Variants in SLC9A1 observed in about 807,000 individuals in gnomAD.
The protein encoded by SLC9A1 is sodium/hydrogen exchanger 1.
Under a neutral mutation model 67.9 loss-of-function variants are expected in SLC9A1, and 22 were observed. The observed-to-expected ratio is 0.32, with a 90% CI of 0.23 to 0.46. The LOEUF (loss-of-function observed/expected upper bound fraction) is 0.46. SLC9A1 is among the 20% of genes least tolerant of loss of function. The probability of loss-of-function intolerance (pLI) is 1.00; values close to 1 mark genes in which losing one functional copy is unlikely to be tolerated. For missense variants in SLC9A1, 686 were observed against 1,094.8 expected, an observed-to-expected ratio of 0.63 and a Z score of 5.27; for synonymous variants, 421 against 471.8, an observed-to-expected ratio of 0.89 and a Z score of 1.40.
chr1:27,108,662 C>T (rs1197619106), intron 3 of SLC9A1, among the ~76,000 whole-genome samples: 13 of 151,852 alleles, frequency 8.6e-5, no homozygotes, highest in Non-Finnish European at 1.6e-4. Flanking sequence ...AGAGTGGGAC[C>T]CCGTCTCAAA....
In SLC9A1 at chr1:27,100,333, C is replaced by G. The variant is rs1227685943; in HGVS notation, c.2422G>C (p.Glu808Gln). Residue 808 changes from glutamate to glutamine, a missense_variant, in exon 12 of 12, where the codon GAA (glutamate) becomes CAA (glutamine). Around this residue, in one of 7 missense-constraint regions of SLC9A1, gnomAD observed 226 missense variants for 282.4 expected, o/e 0.80. Transcript: ENST00000263980. This position sits in a 1 kb window ranked among gnomAD's most constrained non-coding sequence, Gnocchi z 5.6. ...PGPHPEPGEG[E>Q]PFFPKGQ is the part of the protein sequence containing the mutation. Reference sequence around the variant, plus strand: ...TACTGCCCCTTGGGGAAGAACGGTTCTCCCTCCCCAGGCTCAGGGTGTGGG... The same window carrying G: ...TACTGCCCCTTGGGGAAGAACGGTTGTCCCTCCCCAGGCTCAGGGTGTGGG... 2 of 1,535,724 alleles carry G rather than the reference C, an allele frequency of 1.3e-6. No homozygotes were observed. The highest frequency in any genetic ancestry group is 8.8e-7 in the Non-Finnish European group (1 of 1,141,436).
chr1:27,128,392 C>T (rs1181714110), intron 1 of SLC9A1, among the ~76,000 whole-genome samples: 1 of 152,194 alleles, frequency 6.6e-6, no homozygotes, highest in Non-Finnish European at 1.5e-5. Context: ...GGAGGTGGCT[C>T]ACACCTGAAT....
At chr1:27,113,424 C>A (rs777185270) in intron 2 of SLC9A1, among the ~76,000 whole-genome samples, 1 of 152,224 alleles carries the variant, frequency 6.6e-6, no homozygotes, top group East Asian at 1.9e-4. Flanking sequence ...TACCAGTTCA[C>A]CAGCCTAGAA....
intron 1 of SLC9A1, among the ~76,000 whole-genome samples, chr1:27,142,387 G>A (rs116836557): frequency 1.7e-3 from 263 of 152,294 alleles, no homozygotes; most frequent in African/African-American, 6.1e-3. Context: ...GCTATGATAA[G>A]GATTTTTCCA....
chr1:27,140,314 C>T (rs1045449132), intron 1 of SLC9A1, among the ~76,000 whole-genome samples: 8 of 152,150 alleles, frequency 5.3e-5, no homozygotes, highest in Admixed American at 1.3e-4. Context: ...TTTATCAGCA[C>T]GAATCCATTT....
chr1:27,100,603 T>C lies in SLC9A1; in HGVS notation c.2152A>G (p.Thr718Ala), dbSNP rs1452125237. The change falls in exon 12 of 12, where the codon ACC becomes GCC. Residue 718 changes from threonine to alanine, a missense_variant. Around this residue, in one of 7 missense-constraint regions of SLC9A1, gnomAD observed 226 missense variants for 282.4 expected, o/e 0.80. Coordinates refer to ENST00000263980, the MANE Select transcript of SLC9A1 (RefSeq NM_003047.5). The surrounding 1 kb of genome is among the most constrained non-coding windows in gnomAD (Gnocchi z 5.6). ...GACTGCGGGGAAGCCGGGTCGATGG[T>C]GATGACAGGCAGGTCCTCCTTCGGC... is the stretch of plus-strand genomic sequence containing the variant. ...YEPKEDLPVI[T>A]IDPASPQSPE... 6.2e-7 allele frequency: 1 copy of C among 1,613,206 alleles called. No individual in the cohort carries two copies. The highest frequency in any genetic ancestry group is 2.2e-5 in the East Asian group (1 of 44,868).
rs183365653 is a variant in SLC9A1 at position 27,124,426 on chromosome 1, T to G, written c.353-10140A>C. 5.9e-5 allele frequency among the ~76,000 whole-genome samples: 9 copies of G among 152,348 alleles called. No individual in the cohort carries two copies. In the East Asian group the frequency reaches 1.7e-3, roughly 29 times the overall value. On this transcript the variant is annotated intron_variant, in intron 1 of 11. Coordinates refer to ENST00000263980, the MANE Select transcript of SLC9A1 (RefSeq NM_003047.5). The stretch of plus-strand genomic sequence containing the variant: ...ATGTGTTAAATTCATTATATATAAC[T>G]TCAACTTGCTTGAAATCTCATCCTA...
chr1:27,109,656 T>C lies in SLC9A1; in HGVS notation c.935A>G (p.Tyr312Cys). The change falls in exon 3 of 12, where the codon TAC (tyrosine) becomes TGC (cysteine). Residue 312 changes from tyrosine (Y) to cysteine (C), a missense_variant. Tyr to Cys is a radical substitution (Grantham distance 194, BLOSUM62 -2). This residue lies in a region of SLC9A1 where 58 missense variants were observed against 68.9 expected (regional missense o/e 0.84). Coordinates refer to ENST00000263980, the MANE Select transcript of SLC9A1 (RefSeq NM_003047.5). The surrounding 1 kb of genome is among the most constrained non-coding windows in gnomAD (Gnocchi z 5.5). Reference protein sequence around the residue: ...ALGGVLVGVVYGVIAAFTSRF... With the variant: ...ALGGVLVGVVCGVIAAFTSRF... ...GGAGGTGAAGGCTGCGATGACCCCG[T>C]AGACCACGCCCACAAGCACCCCGCC... The C allele has an allele frequency of 4.3e-6, 7 of 1,613,636 alleles. No individual in the cohort carries two copies. The highest frequency in any genetic ancestry group is 2.2e-5 in the South Asian group (2 of 91,068).
rs369974421 is a variant in SLC9A1 at position 27,102,417 on chromosome 1, C to A, written c.1788G>T (p.Lys596Asn). Residue 596 changes from lysine (K) to asparagine (N), a missense_variant, in exon 8 of 12, where the codon AAG becomes AAT. Lys to Asn is a moderately conservative substitution (Grantham distance 94, BLOSUM62 0). This residue lies in a region of SLC9A1 where 168 missense variants were observed against 375.4 expected (regional missense o/e 0.45). Coordinates refer to ENST00000263980, the MANE Select transcript of SLC9A1 (RefSeq NM_003047.5). ...AGACGGTGGAGACGGCAGAGGGGAT[C>A]TTGCCCATGCCCCCGCTCTCCACCA... Reference protein sequence around the residue: ...IELVESGGMGKIPSAVSTVSM... With the variant: ...IELVESGGMGNIPSAVSTVSM... 16 of 1,603,274 alleles carry A rather than the reference C, an allele frequency of 1.0e-5. No individual in the cohort carries two copies. The highest frequency in any genetic ancestry group is 2.7e-5 in the African/African-American group (2 of 74,892).
At position 27,154,530 on chromosome 1, in the gene SLC9A1, T is replaced by G. The variant is rs1028151968; in HGVS notation, c.-196A>C. 15 of 505,036 alleles carry G rather than the reference T, an allele frequency of 3.0e-5. No individual in the cohort carries two copies. Among genetic ancestry groups the G allele is most frequent in the South Asian group, 9.5e-5 (3 of 31,652 alleles). The allele number at this position is 505,036 out of a possible 1,614,324, so 31.3% of individuals were successfully genotyped here. On this transcript the variant is annotated 5_prime_UTR_variant, in exon 1 of 12. Transcript: ENST00000263980. ...GGGTTTGCAATCTGGAACTCCAAAG[T>G]GGGGAAAGGGGGCAAGGACCCAGGA...
chr1:27,132,861 C>A (rs552024467), intron 1 of SLC9A1, among the ~76,000 whole-genome samples: 1 of 152,262 alleles, frequency 6.6e-6, no homozygotes, highest in Non-Finnish European at 1.5e-5. Context: ...GCTGTGGCTC[C>A]AGGGAAGGGC....
At chr1:27,126,164 C>A (rs1472764910) in intron 1 of SLC9A1, among the ~76,000 whole-genome samples, 1 of 152,124 alleles carries the variant, frequency 6.6e-6, no homozygotes, top group Non-Finnish European at 1.5e-5. Flanking sequence ...AGAGGTCCTC[C>A]CAACCCTCTC....
Position 27,101,305 on chromosome 1 carries a change from A to G in SLC9A1, c.2038-30T>C. On this transcript the variant is annotated intron_variant, in intron 10 of 11. Coordinates refer to ENST00000263980, the MANE Select transcript of SLC9A1 (RefSeq NM_003047.5). This position sits in a 1 kb window ranked among gnomAD's most constrained non-coding sequence, Gnocchi z 4.9. The stretch of plus-strand genomic sequence containing the variant: ...CAGAGAGGACAGACGGGGTGAGCAC[A>G]GGCAGCTGGGCAGAGGGAGCCCCTC... 1 of 1,589,504 alleles carries G rather than the reference A, an allele frequency of 6.3e-7. No individual in the cohort carries two copies. Among genetic ancestry groups the G allele is most frequent in the Non-Finnish European group, 8.6e-7 (1 of 1,160,940 alleles).
intron 2 of SLC9A1, among the ~76,000 whole-genome samples, chr1:27,113,241 T>C (rs1230420558): frequency 6.6e-6 from 1 of 152,018 alleles, no homozygotes; most frequent in African/African-American, 2.4e-5. Context: ...GGAGGATGGT[T>C]TGAGGCCAAG....
chr1:27,101,111 C>T lies in SLC9A1; in HGVS notation c.2110+92G>A. The T allele has an allele frequency of 2.0e-6, 2 of 985,302 alleles. No homozygotes were observed. The highest frequency in any genetic ancestry group is 3.1e-6 in the Non-Finnish European group (2 of 645,506). The allele number at this position is 985,302 out of a possible 1,614,324, so 61.0% of individuals were successfully genotyped here. The stretch of plus-strand genomic sequence containing the variant: ...GGTCAGCGAGGGCCAGGCCTGTCCT[C>T]CCAGTGGCTGAGGACTGTTCCTGTG... On this transcript the variant is annotated intron_variant, in intron 11 of 11. Coordinates refer to ENST00000263980, the MANE Select transcript of SLC9A1 (RefSeq NM_003047.5). This position sits in a 1 kb window ranked among gnomAD's most constrained non-coding sequence, Gnocchi z 4.9.
chr1:27,109,682 C>A lies in SLC9A1; in HGVS notation c.909G>T (p.Leu303=). 1 of 1,613,998 alleles carries A rather than the reference C, an allele frequency of 6.2e-7. No homozygotes were observed. Among genetic ancestry groups the A allele is most frequent in the Non-Finnish European group, 8.5e-7 (1 of 1,180,008 alleles). The stretch of plus-strand genomic sequence containing the variant: ...AGACCACGCCCACAAGCACCCCGCC[C>A]AGGGCCACCACGAAGAAGCTCAGGA... ...LGFLSFFVVA[L]GGVLVGVVYG... The change falls in exon 3 of 12, where the codon CTG becomes CTT. Residue 303 remains leucine (L), a synonymous_variant. Coordinates refer to ENST00000263980, the MANE Select transcript of SLC9A1 (RefSeq NM_003047.5). This position sits in a 1 kb window ranked among gnomAD's most constrained non-coding sequence, Gnocchi z 5.5.
intron 1 of SLC9A1, among the ~76,000 whole-genome samples, chr1:27,135,527 A>G (rs1383030244): frequency 1.2e-3 from 149 of 127,246 alleles, no homozygotes; most frequent in Non-Finnish European, 1.9e-3. Flanking sequence ...TTTTTCTGGA[A>G]AAAAAAAAAA....
intron 2 of SLC9A1, among the ~76,000 whole-genome samples, chr1:27,110,744 C>G (rs1309504100): frequency 6.6e-6 from 1 of 152,240 alleles, no homozygotes; most frequent in Non-Finnish European, 1.5e-5. Context: ...ACAGCCATGG[C>G]TGAGGCCTCC....
intron 1 of SLC9A1, among the ~76,000 whole-genome samples, chr1:27,141,301 T>C (rs2083451832): frequency 6.6e-6 from 1 of 152,250 alleles, no homozygotes; most frequent in Non-Finnish European, 1.5e-5. Flanking sequence ...AACCCAGGTC[T>C]GTCAAGCTGC....
Sources: allele counts gnomAD v4.1 joint callset (sites outside exome capture counted in the v4.1 genomes callset), GRCh38; gene constraint gnomAD v4.1.1; regional missense constraint gnomAD v4.1.1; non-coding constraint Gnocchi (gnomAD v3.1); transcripts MANE v1.5; gene names NCBI Gene and HGNC (gene_info 2026-07-23, HGNC 2026-07-21).